The following KDM7A variants were observed in gnomAD, a reference collection of about 807,000 sequenced individuals.
The protein encoded by KDM7A is lysine demethylase 7A.
Under a neutral mutation model 114.8 loss-of-function variants are expected in KDM7A, and 28 were observed. That is an observed-to-expected ratio of 0.24 (90% CI 0.18 to 0.33). The LOEUF is 0.33. Among genes scored for constraint, KDM7A ranks in the 10% least tolerant of loss-of-function variants. The pLI is 1.00. For synonymous variants in KDM7A, 423 were observed against 397.8 expected, an observed-to-expected ratio of 1.06 and a Z score of -0.75; for missense variants, 942 against 1,142.5, an observed-to-expected ratio of 0.82 and a Z score of 2.53.
chr7:140,136,513 G>C (rs1818872111), intron 2 of KDM7A, among the ~76,000 whole-genome samples: 1 of 152,210 alleles, frequency 6.6e-6, no homozygotes, highest in African/African-American at 2.4e-5. Flanking sequence ...TGGATTGCAT[G>C]TGCCTAAAGA....
At chr7:140,153,849 T>C (rs1249975601) in intron 1 of KDM7A, among the ~76,000 whole-genome samples, 8 of 152,226 alleles carry the variant, frequency 5.3e-5, no homozygotes, top group Non-Finnish European at 1.2e-4. Context: ...TTTTTGTTTC[T>C]TTGTTGCTCT....
At chr7:140,097,470 C>A in intron 15 of KDM7A, 75 bp downstream of exon 15, 1 of 803,342 alleles carries the variant, frequency 1.2e-6, no homozygotes, top group Non-Finnish European at 2.1e-6. Context: ...TGTCATTTGC[C>A]TTGCTTCCAG....
chr7:140,115,317 G>T (rs961871935), intron 9 of KDM7A, among the ~76,000 whole-genome samples: 2 of 152,216 alleles, frequency 1.3e-5, no homozygotes, highest in East Asian at 3.8e-4. Flanking sequence ...CATTGAGATC[G>T]GGCCATGATG....
Position 140,133,832 on chromosome 7 carries a change from G to C in KDM7A, c.281-176C>G, listed in dbSNP as rs148691543. On this transcript the variant is annotated intron_variant, in intron 2 of 19. Coordinates refer to ENST00000397560, the MANE Select transcript of KDM7A (RefSeq NM_030647.2). Reference sequence around the variant, plus strand: ...TGCTTAATGTAATGCTGCAATTACAGACAATTAACTGTGGATTTTTAAAAC... The same window carrying C: ...TGCTTAATGTAATGCTGCAATTACACACAATTAACTGTGGATTTTTAAAAC... 9.2e-5 allele frequency among the ~76,000 whole-genome samples: 14 copies of C among 152,234 alleles called. No individual in the cohort carries two copies. In the East Asian group the frequency reaches 2.7e-3, roughly 29 times the overall value.
chr7:140,106,276 C>G (rs1259887725), intron 11 of KDM7A, among the ~76,000 whole-genome samples: 1 of 152,000 alleles, frequency 6.6e-6, no homozygotes, highest in Non-Finnish European at 1.5e-5. Flanking sequence ...TTTTTTGTGT[C>G]TCTATCTCCT....
chr7:140,094,281 A>G, intron 17 of KDM7A, 143 bp from the exon 18 acceptor site: 1 of 649,332 alleles, frequency 1.5e-6, no homozygotes, highest in Non-Finnish European at 2.8e-6. Context: ...AAGGCAGGTC[A>G]ATCACTTGAA....
In KDM7A at chr7:140,176,359, G is replaced by A. The variant is rs1402328058; in HGVS notation, c.194+385C>T. Among the ~76,000 whole-genome samples the A allele has an allele frequency of 6.9e-6, 1 of 144,864 alleles. No homozygotes were observed. The highest frequency in any genetic ancestry group is 2.5e-5 in the African/African-American group (1 of 40,570). The stretch of plus-strand genomic sequence containing the variant: ...GCCGGAGCCCCGGGCGCGGCGGGGC[G>A]GGGCGGGGCGGCGGCGGCCCGGGCT... On this transcript the variant is annotated intron_variant, in intron 1 of 19. Transcript: ENST00000397560. This position sits in a 1 kb window ranked among gnomAD's most constrained non-coding sequence, Gnocchi z 4.4.
chr7:140,126,516 T>TAAAAA, intron 6 of KDM7A, 121 bp downstream of exon 6: 2 of 406,832 alleles, frequency 4.9e-6, no homozygotes, highest in Non-Finnish European at 8.1e-6. Context: ...GGTTAAAAAG[T>TAAAAA]AAAAAAAAAA....
chr7:140,091,262 A>C (rs1351240219), intron 19 of KDM7A, 74 bp from the exon 20 acceptor site: 3 of 1,011,812 alleles, frequency 3.0e-6, no homozygotes, highest in Non-Finnish European at 4.7e-6. Context: ...GACTACGGGG[A>C]GAGCTTTCTT....
At chr7:140,171,277 G>T (rs927444742) in intron 1 of KDM7A, among the ~76,000 whole-genome samples, 4 of 149,460 alleles carry the variant, frequency 2.7e-5, no homozygotes, top group Admixed American at 1.3e-4. Flanking sequence ...TGGCTAACAC[G>T]GTGAAACCCC....
intron 7 of KDM7A, among the ~76,000 whole-genome samples, chr7:140,123,267 G>A (rs769327227): frequency 2.4e-4 from 36 of 152,166 alleles, no homozygotes; most frequent in African/African-American, 3.4e-4. Flanking sequence ...TTTGGAGAAC[G>A]GGTCAGCAAT....
intron 16 of KDM7A, 21 bp downstream of exon 16, chr7:140,096,874 GACTT>G: frequency 6.2e-7 from 1 of 1,608,406 alleles, no homozygotes; most frequent in Non-Finnish European, 8.5e-7. Flanking sequence ...AATATAATAA[GACTT>G]ACTACTATCA....
intron 6 of KDM7A, among the ~76,000 whole-genome samples, chr7:140,125,225 GA>G (rs1372540401): frequency 2.0e-5 from 3 of 152,096 alleles, no homozygotes; most frequent in Non-Finnish European, 4.4e-5. Context: ...CTTCATGAAG[GA>G]AAAAAACAGG....
chr7:140,119,696 A>T (rs1818588286), intron 8 of KDM7A, among the ~76,000 whole-genome samples: 1 of 152,206 alleles, frequency 6.6e-6, no homozygotes, highest in Non-Finnish European at 1.5e-5. Flanking sequence ...GACAAGATCC[A>T]CACTTGGTAG....
intron 17 of KDM7A, among the ~76,000 whole-genome samples, chr7:140,095,142 C>G (rs1818085274): frequency 6.6e-6 from 1 of 152,172 alleles, no homozygotes; most frequent in South Asian, 2.1e-4. Context: ...ACCACTGCGC[C>G]CAGTGATCTA....
In KDM7A at chr7:140,172,933, T is replaced by C. The variant is rs569651673; in HGVS notation, c.194+3811A>G. Among the ~76,000 whole-genome samples, 8 of 152,322 alleles carry C rather than the reference T, an allele frequency of 5.3e-5. No individual in the cohort carries two copies. In the South Asian group the frequency reaches 1.7e-3, roughly 32 times the overall value. On this transcript the variant is annotated intron_variant, in intron 1 of 19. Transcript: ENST00000397560. ...CGTACTTTCATATTCTTTATACTTT[T>C]CTGTACTTTCCGATTTTTCCTTAAT...
intron 4 of KDM7A, among the ~76,000 whole-genome samples, chr7:140,127,811 T>A (rs556418574): frequency 3.9e-5 from 6 of 152,300 alleles, no homozygotes; most frequent in African/African-American, 1.4e-4. Context: ...AGCTGCACAA[T>A]TTACACTGAA....
chr7:140,111,096 T>G lies in KDM7A; in HGVS notation c.1427A>C (p.Glu476Ala). ...TTACATGACAGTTTCCACTCTTACC[T>G]CTATTGCTCGAATTACTTTAGAAAG... ...KELSKVIRAI[E>A]EENGKPVKSQ... is the part of the protein sequence containing the mutation. The change falls in exon 11 of 20, where the codon GAG becomes GCG. Residue 476 changes from glutamate to alanine, a missense_variant and splice_region_variant. Around this residue, in one of 4 missense-constraint regions of KDM7A, gnomAD observed 512 missense variants for 576.6 expected, o/e 0.89. Coordinates refer to ENST00000397560, the MANE Select transcript of KDM7A (RefSeq NM_030647.2). 6.5e-7 allele frequency: 1 copy of G among 1,550,190 alleles called. No homozygotes were observed. The highest frequency in any genetic ancestry group is 1.4e-5 in the African/African-American group (1 of 73,714).
chr7:140,098,735 T>A, intron 14 of KDM7A, 144 bp downstream of exon 14: 1 of 688,310 alleles, frequency 1.5e-6, no homozygotes, highest in Non-Finnish European at 2.4e-6. Context: ...ACTTCTCTCA[T>A]ACTTCAGATT....
Sources: gnomAD v4.1 joint callset for allele counts (sites outside exome capture counted in the v4.1 genomes callset) on GRCh38, gnomAD v4.1.1 for gene constraint, gnomAD v4.1.1 regional missense constraint, Gnocchi (gnomAD v3.1) non-coding constraint, MANE v1.5 for transcripts, NCBI Gene and HGNC (gene_info 2026-07-23, HGNC 2026-07-21) for gene names.